Variants in EPHB1 observed in about 807,000 individuals in gnomAD.
The protein encoded by EPHB1 is EPH receptor B1.
In EPHB1, 30 loss-of-function variants were observed where a neutral mutation model predicts 94.4. The observed-to-expected ratio is 0.32, with a 90% CI of 0.24 to 0.43. The LOEUF (loss-of-function observed/expected upper bound fraction) is 0.43, where lower values mean the gene tolerates loss of function less well. EPHB1 is among the 20% of genes least tolerant of loss of function. EPHB1 has a pLI of 1.00. For missense variants in EPHB1, 1,055 were observed against 1,308.3 expected (o/e 0.81, Z 2.99); for synonymous variants, 522 against 489.1 (o/e 1.07, Z -0.89).
chr3:134,896,185 G>A (rs894923952), intron 1 of EPHB1, among the ~76,000 whole-genome samples: 8 of 152,006 alleles, frequency 5.3e-5, no homozygotes, highest in African/African-American at 9.7e-5. Context: ...CTAGATCACC[G>A]AGACCTCCAG....
intron 3 of EPHB1, among the ~76,000 whole-genome samples, chr3:135,052,683 G>A (rs1975815): frequency 0.038 from 5,712 of 150,076 alleles, 186 homozygotes; most frequent in East Asian, 0.14. Flanking sequence ...AACACGGTGA[G>A]ACCCCATCTG....
intron 3 of EPHB1, among the ~76,000 whole-genome samples, chr3:135,096,633 G>A (rs1452856978): frequency 6.6e-6 from 1 of 152,334 alleles, no homozygotes; most frequent in East Asian, 1.9e-4. Flanking sequence ...AGAAGATCCA[G>A]GGTCTGGTGA....
At chr3:135,194,792 G>C (rs1438229304) in intron 11 of EPHB1, among the ~76,000 whole-genome samples, 1 of 152,166 alleles carries the variant, frequency 6.6e-6, no homozygotes, top group Non-Finnish European at 1.5e-5. Context: ...GCCTCCTTGA[G>C]GGTATGGGGT....
intron 3 of EPHB1, among the ~76,000 whole-genome samples, chr3:135,076,261 A>ATAT (rs1553729687): frequency 3.6e-5 from 4 of 112,570 alleles, no homozygotes; most frequent in Non-Finnish European, 5.7e-5. Flanking sequence ...ATATATATAT[A>ATAT]ACTCTTAAAT....
chr3:134,886,529 C>T lies in EPHB1; in HGVS notation c.59-39287C>T, dbSNP rs539919413. Among the ~76,000 whole-genome samples, 15 of 152,278 alleles carry T rather than the reference C, an allele frequency of 9.9e-5. 2 individuals carry two copies. The highest frequency in any genetic ancestry group is 2.9e-4 in the African/African-American group (12 of 41,550). On this transcript the variant is annotated intron_variant, in intron 1 of 15. Coordinates refer to ENST00000398015, the MANE Select transcript of EPHB1 (RefSeq NM_004441.5). ...GTTGCAAAGGTGAAAAAAACAAACA[C>T]GGATCTATCGGATCTATGGCACAGA... is the stretch of plus-strand genomic sequence containing the variant.
intron 1 of EPHB1, among the ~76,000 whole-genome samples, chr3:134,919,660 C>T (rs1003934107): frequency 6.6e-6 from 1 of 152,160 alleles, no homozygotes; most frequent in Non-Finnish European, 1.5e-5. Context: ...GCCAATAGGG[C>T]TGGCCTGCCC....
chr3:135,052,998 T>A (rs1937226350), intron 3 of EPHB1, among the ~76,000 whole-genome samples: 1 of 99,864 alleles, frequency 1.0e-5, no homozygotes. Context: ...TGTATATATA[T>A]GTGTGTGTAT....
At chr3:135,046,017 C>A (rs1936987026) in intron 3 of EPHB1, among the ~76,000 whole-genome samples, 1 of 152,130 alleles carries the variant, frequency 6.6e-6, no homozygotes, top group African/African-American at 2.4e-5. Context: ...ACGAAAATAA[C>A]ATATTACATC....
Position 134,863,066 on chromosome 3 carries a change from C to A in EPHB1, c.59-62750C>A, listed in dbSNP as rs528150209. On this transcript the variant is annotated intron_variant, in intron 1 of 15. Coordinates refer to ENST00000398015, the MANE Select transcript of EPHB1 (RefSeq NM_004441.5). ...TTGACCTGGCACTCATGGCCTCATGCCACCTGGGTTCTCCTACCTGTCTTC... is the reference window on the plus strand; with the variant it reads ...TTGACCTGGCACTCATGGCCTCATGACACCTGGGTTCTCCTACCTGTCTTC... Among the ~76,000 whole-genome samples the A allele has an allele frequency of 1.5e-4, 23 of 152,348 alleles. No individual in the cohort carries two copies. The East Asian group carries it at 4.4e-3, about 29-fold the overall frequency.
intron 3 of EPHB1, among the ~76,000 whole-genome samples, chr3:135,102,849 C>T (rs1939080853): frequency 6.6e-6 from 1 of 152,088 alleles, no homozygotes; most frequent in African/African-American, 2.4e-5. Flanking sequence ...AGCTGGAAAC[C>T]ATCATTCTCA....
chr3:135,071,777 C>A lies in EPHB1; in HGVS notation c.806-34671C>A, dbSNP rs113594002. 2.0e-5 allele frequency among the ~76,000 whole-genome samples: 3 copies of A among 152,302 alleles called. No individual in the cohort carries two copies. The East Asian group carries it at 5.8e-4, about 29-fold the overall frequency. On this transcript the variant is annotated intron_variant, in intron 3 of 15. Coordinates refer to ENST00000398015, the MANE Select transcript of EPHB1 (RefSeq NM_004441.5). Reference sequence around the variant, plus strand: ...ACACTCACCTGCTGACTTGACATCTCCCCCTGGGTGGCTAATAGACATTTC... The same window carrying A: ...ACACTCACCTGCTGACTTGACATCTACCCCTGGGTGGCTAATAGACATTTC...
At chr3:134,935,524 C>A (rs1185250021) in intron 2 of EPHB1, among the ~76,000 whole-genome samples, 1 of 152,204 alleles carries the variant, frequency 6.6e-6, no homozygotes, top group Non-Finnish European at 1.5e-5. Flanking sequence ...CTGCTAAGTT[C>A]TTTAGCCTCT....
intron 1 of EPHB1, among the ~76,000 whole-genome samples, chr3:134,846,332 G>A (rs1201578909): frequency 6.6e-6 from 1 of 152,078 alleles, no homozygotes; most frequent in Non-Finnish European, 1.5e-5. Flanking sequence ...GCAATCTGCC[G>A]GGGCAGGGCT....
intron 9 of EPHB1, among the ~76,000 whole-genome samples, chr3:135,173,065 C>A (rs181241642): frequency 2.0e-5 from 3 of 147,034 alleles, no homozygotes; most frequent in African/African-American, 7.6e-5. Context: ...GACGGAGTCT[C>A]GCTCTGTCGC....
At chr3:135,063,316 G>A (rs985893572) in intron 3 of EPHB1, among the ~76,000 whole-genome samples, 3 of 152,178 alleles carry the variant, frequency 2.0e-5, no homozygotes, top group African/African-American at 7.2e-5. Context: ...TCCCATCCAT[G>A]AGCATGGGAT....
At chr3:134,939,235 TCA>T (rs2039068408) in intron 2 of EPHB1, among the ~76,000 whole-genome samples, 1 of 152,192 alleles carries the variant, frequency 6.6e-6, no homozygotes, top group African/African-American at 2.4e-5. Context: ...TGCTGTGAGT[TCA>T]CAGTTTAGGG....
intron 7 of EPHB1, among the ~76,000 whole-genome samples, chr3:135,164,293 C>T (rs940614253): frequency 6.6e-6 from 1 of 152,134 alleles, no homozygotes; most frequent in African/African-American, 2.4e-5. Context: ...CTTCAAGAAC[C>T]AATATCCTTG....
chr3:135,161,375 C>T (rs369756691), intron 6 of EPHB1, among the ~76,000 whole-genome samples: 7 of 152,072 alleles, frequency 4.6e-5, no homozygotes, highest in Non-Finnish European at 7.4e-5. Flanking sequence ...TGAATGCTGG[C>T]GGAAAGTAGC....
chr3:134,854,343 A>C (rs1048453540), intron 1 of EPHB1, among the ~76,000 whole-genome samples: 3 of 152,012 alleles, frequency 2.0e-5, no homozygotes, highest in Non-Finnish European at 4.4e-5. Context: ...GGAGGAGATG[A>C]TCTGTGTCCT....
Sources: allele counts gnomAD v4.1 joint callset (sites outside exome capture counted in the v4.1 genomes callset), GRCh38; gene constraint gnomAD v4.1.1; transcripts MANE v1.5; gene names NCBI Gene and HGNC (gene_info 2026-07-23, HGNC 2026-07-21).